PPP3CA: variants seen among roughly 807,000 people sequenced by gnomAD.
PPP3CA encodes the protein CAM-PRP catalytic subunit.
A neutral mutation model predicts 66.5 loss-of-function variants in PPP3CA; 14 were observed. That is an observed-to-expected ratio of 0.21 (90% CI 0.14 to 0.33). The LOEUF is 0.33. Ranked by LOEUF, PPP3CA falls within the 10% of genes least tolerant of loss-of-function variation. PPP3CA has a pLI of 1.00. For synonymous variants in PPP3CA, 232 were observed against 226.2 expected (o/e 1.03, Z -0.23); for missense variants, 317 against 639.5 (o/e 0.50, Z 5.44).
intron 1 of PPP3CA, among the ~76,000 whole-genome samples, chr4:101,233,791 T>C (rs936557007): frequency 3.3e-5 from 5 of 151,526 alleles, no homozygotes; most frequent in Non-Finnish European, 5.9e-5. Flanking sequence ...GTTTGTGATA[T>C]AGGTAAACTC....
intron 2 of PPP3CA, among the ~76,000 whole-genome samples, chr4:101,168,053 G>T (rs1471191013): frequency 3.3e-5 from 5 of 152,154 alleles, no homozygotes; most frequent in African/African-American, 1.2e-4. Context: ...CCACTGGGTT[G>T]AGAATGGGGG....
chr4:101,257,423 T>C (rs1480220700), intron 1 of PPP3CA, among the ~76,000 whole-genome samples: 1 of 151,854 alleles, frequency 6.6e-6, no homozygotes, highest in African/African-American at 2.4e-5. Flanking sequence ...CTGCTTTCAG[T>C]TTGTTCTGAA....
intron 10 of PPP3CA, among the ~76,000 whole-genome samples, chr4:101,058,960 CAT>C (rs1728344668): frequency 6.6e-6 from 1 of 152,068 alleles, no homozygotes. Context: ...TTCTCTATAT[CAT>C]AAATACTGGC....
At position 101,198,806 on chromosome 4, in the gene PPP3CA, C is replaced by T. The variant is rs3804364; in HGVS notation, c.59-2690G>A. 5.3e-5 allele frequency among the ~76,000 whole-genome samples: 8 copies of T among 152,268 alleles called. No homozygotes were observed. The East Asian group carries it at 1.3e-3, about 26-fold the overall frequency. ...TCCACCCTCCACTGCAGATCTTTTA[C>T]CTTCCAGTAATTGCTAATCCTAAGG... On this transcript the variant is annotated intron_variant, in intron 1 of 13. Coordinates refer to ENST00000394854, the MANE Select transcript of PPP3CA (RefSeq NM_000944.5).
chr4:101,134,773 T>C (rs1183792529), intron 2 of PPP3CA, among the ~76,000 whole-genome samples: 1 of 152,220 alleles, frequency 6.6e-6, no homozygotes, highest in Admixed American at 6.5e-5. Flanking sequence ...TAAAGACACA[T>C]GCACACGTAT....
At chr4:101,045,119 C>G (rs1210376343) in intron 10 of PPP3CA, among the ~76,000 whole-genome samples, 1 of 152,200 alleles carries the variant, frequency 6.6e-6, no homozygotes, top group Non-Finnish European at 1.5e-5. Flanking sequence ...ATGTAGAGTA[C>G]AAATTACCAT....
intron 1 of PPP3CA, among the ~76,000 whole-genome samples, chr4:101,219,400 T>C (rs1725555208): frequency 6.6e-6 from 1 of 151,936 alleles, no homozygotes; most frequent in Non-Finnish European, 1.5e-5. Context: ...CTGAATCACA[T>C]CTTGTGAATA....
intron 1 of PPP3CA, among the ~76,000 whole-genome samples, chr4:101,308,315 A>T (rs1285154705): frequency 6.6e-6 from 1 of 152,232 alleles, no homozygotes; most frequent in Non-Finnish European, 1.5e-5. Context: ...TAAATTTTAA[A>T]ACTGGAAAGG....
chr4:101,173,957 C>T (rs1252250143), intron 2 of PPP3CA, among the ~76,000 whole-genome samples: 1 of 151,956 alleles, frequency 6.6e-6, no homozygotes, highest in African/African-American at 2.4e-5. Flanking sequence ...GAGGCTGAGG[C>T]ATTAGGATCA....
At chr4:101,176,958 C>G (rs1012463469) in intron 2 of PPP3CA, among the ~76,000 whole-genome samples, 5 of 152,066 alleles carry the variant, frequency 3.3e-5, no homozygotes, top group African/African-American at 4.8e-5. Flanking sequence ...GTAGTCAATT[C>G]ACATATTATT....
At chr4:101,102,707 T>C (rs1218321463) in intron 3 of PPP3CA, among the ~76,000 whole-genome samples, 2 of 152,034 alleles carry the variant, frequency 1.3e-5, no homozygotes, top group Non-Finnish European at 2.9e-5. Flanking sequence ...AAAAGGGAAG[T>C]CTCTTGTAAA....
chr4:101,093,482 A>C (rs936672676), intron 6 of PPP3CA, among the ~76,000 whole-genome samples: 1 of 151,934 alleles, frequency 6.6e-6, no homozygotes, highest in Non-Finnish European at 1.5e-5. Flanking sequence ...TTCTATATGC[A>C]CTGGGAAACC....
chr4:101,167,812 G>T (rs770572836), intron 2 of PPP3CA, among the ~76,000 whole-genome samples: 1 of 152,190 alleles, frequency 6.6e-6, no homozygotes, highest in African/African-American at 2.4e-5. Context: ...CAGAACATGT[G>T]TGAGAAAGAG....
chr4:101,280,618 G>A (rs769008727), intron 1 of PPP3CA, among the ~76,000 whole-genome samples: 3 of 152,024 alleles, frequency 2.0e-5, no homozygotes, highest in Non-Finnish European at 2.9e-5. Context: ...TCAGGAGTTC[G>A]AGACCGGCCT....
At chr4:101,040,387 G>T in intron 11 of PPP3CA, 95 bp downstream of exon 11, 1 of 842,316 alleles carries the variant, frequency 1.2e-6, no homozygotes, top group Non-Finnish European at 1.7e-6. Flanking sequence ...ATATTCTCTA[G>T]TAAAATATTT....
intron 1 of PPP3CA, chr4:101,250,449 A>T (rs2850958): frequency 2.4e-6 from 1 of 419,952 alleles, no homozygotes; most frequent in Non-Finnish European, 4.7e-6. Flanking sequence ...GTTATGTTAC[A>T]TAGAAAGGAT....
intron 3 of PPP3CA, among the ~76,000 whole-genome samples, chr4:101,102,742 G>A (rs1352232759): frequency 6.6e-6 from 1 of 152,148 alleles, no homozygotes. Flanking sequence ...AATGAAAGCA[G>A]TGAAATACAA....
intron 2 of PPP3CA, among the ~76,000 whole-genome samples, chr4:101,110,456 T>C (rs1185841714): frequency 6.6e-6 from 1 of 152,156 alleles, no homozygotes; most frequent in Non-Finnish European, 1.5e-5. Context: ...ATGAAGTAGG[T>C]ACAGGTGGAT....
At chr4:101,301,978 A>G (rs114054011) in intron 1 of PPP3CA, among the ~76,000 whole-genome samples, 1,959 of 152,126 alleles carry the variant, frequency 0.013, 49 homozygotes, top group African/African-American at 0.045. Context: ...TCCTAAAGAA[A>G]TTTGTTTCGA....
Sources: allele counts gnomAD v4.1 joint callset (sites outside exome capture counted in the v4.1 genomes callset), GRCh38; gene constraint gnomAD v4.1.1; transcripts MANE v1.5; gene names NCBI Gene and HGNC (gene_info 2026-07-23, HGNC 2026-07-21).